SUDS3: variants seen among roughly 807,000 people sequenced by gnomAD.
SUDS3 encodes sin3 histone deacetylase corepressor complex component SDS3.
Under a neutral mutation model 53.5 loss-of-function variants are expected in SUDS3, and 23 were observed. The observed-to-expected ratio is 0.43, with a 90% confidence interval of 0.31 to 0.61. The LOEUF is 0.61. SUDS3 is among the 20% of genes least tolerant of loss of function. SUDS3 has a pLI of 0.10. For synonymous variants in SUDS3, 150 were observed against 148.5 expected, an observed-to-expected ratio of 1.01 and a Z score of -0.08; for missense variants, 291 against 405.9, an observed-to-expected ratio of 0.72 and a Z score of 2.43.
At chr12:118,408,294 A>T (rs1195263848) in intron 10 of SUDS3, among the ~76,000 whole-genome samples, 1 of 150,696 alleles carries the variant, frequency 6.6e-6, no homozygotes, top group Non-Finnish European at 1.5e-5. Flanking sequence ...TTGGCCTCCC[A>T]AAGTGCTAGG....
rs1445309094 is a variant in SUDS3, at chr12:118,380,202, TGAA to T, written c.189_191del (p.Glu63del). On this transcript the variant is annotated inframe_deletion, in exon 2 of 12. Coordinates refer to ENST00000543473, the MANE Select transcript of SUDS3 (RefSeq NM_022491.3). The stretch of plus-strand genomic sequence containing the variant: ...GTGAAACTGACCTGGCAAAGCATGA[TGAA>T]GAAGACTATGTAGAAATGAAGGAAC... The T allele has an allele frequency of 9.3e-6, 15 of 1,608,934 alleles. No homozygotes were observed. The highest frequency in any genetic ancestry group is 1.2e-5 in the Non-Finnish European group (14 of 1,177,784).
intron 6 of SUDS3, among the ~76,000 whole-genome samples, chr12:118,400,231 T>C (rs557444119): frequency 3.6e-4 from 55 of 152,342 alleles, no homozygotes; most frequent in Non-Finnish European, 5.9e-4. Flanking sequence ...TAAAAGAGCC[T>C]TTCATACCAA....
At chr12:118,386,300 A>C in intron 4 of SUDS3, 115 bp downstream of exon 4, 1 of 828,184 alleles carries the variant, frequency 1.2e-6, no homozygotes, top group Admixed American at 3.0e-5. Context: ...ATACTCTGTC[A>C]GGGAGAGTTT....
In SUDS3 at chr12:118,391,131, AC is replaced by A; in HGVS notation, c.367del (p.Gln123LysfsTer14). On this transcript the variant is annotated frameshift_variant, in exon 6 of 12. Coordinates refer to ENST00000543473, the MANE Select transcript of SUDS3 (RefSeq NM_022491.3). LOFTEE classifies it high-confidence loss of function. The stretch of plus-strand genomic sequence containing the variant: ...CGTGTTTCTCTTTTGCTCAGACTGA[AC>A]AAGTGGAACGAAATTACATTAAAGA... ...AELFLQLETEQVERNYIKEKK... is the reference protein window; with the variant it reads ...AELFLQLETEXVERNYIKEKK... 1 of 1,613,074 alleles carries A rather than the reference AC, an allele frequency of 6.2e-7. No homozygotes were observed. Among genetic ancestry groups the A allele is most frequent in the Non-Finnish European group, 8.5e-7 (1 of 1,179,682 alleles).
intron 9 of SUDS3, 29 bp from the exon 10 acceptor site, chr12:118,403,383 T>C: frequency 6.4e-7 from 1 of 1,555,708 alleles, no homozygotes; most frequent in Non-Finnish European, 8.8e-7. Context: ...TGTTACATTC[T>C]TAGTCACGTA....
At chr12:118,412,874 T>A (rs2046370940) in intron 11 of SUDS3, among the ~76,000 whole-genome samples, 1 of 152,218 alleles carries the variant, frequency 6.6e-6, no homozygotes, top group Non-Finnish European at 1.5e-5. Flanking sequence ...TTCAGTGCAC[T>A]GAAGACATGC....
Position 118,416,371 on chromosome 12 carries a change from CCT to C in SUDS3, c.*1941_*1942del, listed in dbSNP as rs1410027767. ...TCCGCATTGAAGCAGGAACAAATTG[CCT>C]CTTTTTCTGGCCTTCTCTGTGGGAC... On this transcript the variant is annotated 3_prime_UTR_variant, in exon 12 of 12. Transcript: ENST00000543473. The C allele has an allele frequency of 6.7e-6, 1 of 150,146 alleles. No individual in the cohort carries two copies. The highest frequency in any genetic ancestry group is 1.5e-5 in the Non-Finnish European group (1 of 67,432). 9.3% of individuals were successfully genotyped at this position (150,146 alleles called of 1,614,324 possible).
At chr12:118,378,482 C>CTTT (rs199742125) in intron 1 of SUDS3, among the ~76,000 whole-genome samples, 23 of 137,032 alleles carry the variant, frequency 1.7e-4, no homozygotes, top group Non-Finnish European at 4.8e-5. Context: ...TGTAAGTAAT[C>CTTT]TTTTTTTTTT....
At position 118,415,863 on chromosome 12, in the gene SUDS3, A is replaced by G. The variant is rs1354856170; in HGVS notation, c.*1430A>G. The G allele has an allele frequency of 2.6e-5, 4 of 151,822 alleles. No homozygotes were observed. The allele number at this position is 151,822 out of a possible 1,614,324, so 9.4% of individuals were successfully genotyped here. On this transcript the variant is annotated 3_prime_UTR_variant, in exon 12 of 12. Coordinates refer to ENST00000543473, the MANE Select transcript of SUDS3 (RefSeq NM_022491.3). Reference sequence around the variant, plus strand: ...GACCAAACCTTACTGACTTGTACAGACTTGTACAAGTAAAGACTTATACAG... The same window carrying G: ...GACCAAACCTTACTGACTTGTACAGGCTTGTACAAGTAAAGACTTATACAG...
chr12:118,397,851 T>C (rs1323258013), intron 6 of SUDS3, among the ~76,000 whole-genome samples: 2 of 152,170 alleles, frequency 1.3e-5, no homozygotes, highest in African/African-American at 2.4e-5. Context: ...TCATGCATTG[T>C]CCACCCTCCC....
chr12:118,408,483 A>AC (rs888675595), intron 10 of SUDS3, among the ~76,000 whole-genome samples: 2 of 151,342 alleles, frequency 1.3e-5, no homozygotes, highest in African/African-American at 4.9e-5. Context: ...ACAAGCGCAC[A>AC]CCACCATGCT....
intron 7 of SUDS3, 29 bp downstream of exon 7, chr12:118,400,783 C>CTTTCTTTTT (rs1232322747): frequency 1.2e-6 from 2 of 1,605,068 alleles, no homozygotes; most frequent in Admixed American, 3.3e-5. Context: ...CCTTAACCGC[C>CTTTCTTTTT]TTTCTTTTTT....
rs1167092149 is a variant in SUDS3 at position 118,415,716 on chromosome 12, A to G, written c.*1283A>G. The stretch of plus-strand genomic sequence containing the variant: ...ACATCCTAGGAAATCTTTCTTTGTA[A>G]GTAATTCTTTTGGTCTCAAGTGATT... On this transcript the variant is annotated 3_prime_UTR_variant, in exon 12 of 12. Transcript: ENST00000543473. 6.6e-6 allele frequency: 1 copy of G among 152,146 alleles called. No individual in the cohort carries two copies. Among genetic ancestry groups the G allele is most frequent in the Non-Finnish European group, 1.5e-5 (1 of 68,024 alleles). The allele number at this position is 152,146 out of a possible 1,614,324, so 9.4% of individuals were successfully genotyped here.
intron 3 of SUDS3, among the ~76,000 whole-genome samples, chr12:118,385,414 C>T (rs1352424131): frequency 6.6e-6 from 1 of 152,202 alleles, no homozygotes; most frequent in Non-Finnish European, 1.5e-5. Flanking sequence ...CAGCCTGATA[C>T]TGCTGTTTCT....
At chr12:118,402,718 G>T (rs1169472249) in intron 9 of SUDS3, 1 of 152,120 alleles carries the variant, frequency 6.6e-6, no homozygotes, top group Non-Finnish European at 1.5e-5. Flanking sequence ...GGGGAGGGGT[G>T]AGGGAGTTGT....
At chr12:118,380,347 C>A in intron 2 of SUDS3, 116 bp downstream of exon 2, 1 of 855,400 alleles carries the variant, frequency 1.2e-6, no homozygotes, top group Non-Finnish European at 1.8e-6. Flanking sequence ...TTCCTGAGTG[C>A]CAGCATGATG....
At position 118,416,777 on chromosome 12, in the gene SUDS3, G is replaced by GAC. The variant is rs139713595; in HGVS notation, c.*2346_*2347dup. The GAC allele has an allele frequency of 4.9e-4, 75 of 152,324 alleles. No individual in the cohort carries two copies. Among genetic ancestry groups the GAC allele is most frequent in the African/African-American group, 1.8e-3 (74 of 41,584 alleles). 9.4% of individuals were successfully genotyped at this position (152,324 alleles called of 1,614,324 possible). Reference sequence around the variant, plus strand: ...GGGCAGAAGCCTTACTAAAGGGGAAGACAGACTTTGAAGTTTCTAGACGAG... The same window carrying GAC: ...GGGCAGAAGCCTTACTAAAGGGGAAGACACAGACTTTGAAGTTTCTAGACGAG... On this transcript the variant is annotated 3_prime_UTR_variant, in exon 12 of 12. Coordinates refer to ENST00000543473, the MANE Select transcript of SUDS3 (RefSeq NM_022491.3).
Position 118,380,237 on chromosome 12 carries a change from T to C in SUDS3, c.212+6T>C. 6.2e-7 allele frequency: 1 copy of C among 1,600,786 alleles called. No homozygotes were observed. The highest frequency in any genetic ancestry group is 8.5e-7 in the Non-Finnish European group (1 of 1,172,920). On this transcript the variant is annotated splice_donor_region_variant and intron_variant, in intron 2 of 11. Coordinates refer to ENST00000543473, the MANE Select transcript of SUDS3 (RefSeq NM_022491.3). ...TATGTAGAAATGAAGGAACAGTGAG[T>C]ATGATATGCCTATGTCTTTTTGGAA...
At chr12:118,389,849 T>C (rs1404866030) in intron 4 of SUDS3, 78 bp from the exon 5 acceptor site, 3 of 1,568,586 alleles carry the variant, frequency 1.9e-6, no homozygotes, top group Non-Finnish European at 2.6e-6. Context: ...AATTACTGCT[T>C]CTAAATGAAT....
Sources: allele counts gnomAD v4.1 joint callset (sites outside exome capture counted in the v4.1 genomes callset), GRCh38; gene constraint gnomAD v4.1.1; transcripts MANE v1.5; gene names NCBI Gene and HGNC (gene_info 2026-07-23, HGNC 2026-07-21).